The following LRRC37A2 variants were observed in gnomAD, a reference collection of about 807,000 sequenced individuals.
LRRC37A2 encodes leucine-rich repeat-containing protein 37A2.
LRRC37A2 carries 9 observed loss-of-function variants against 68.8 expected under a neutral mutation model. That is an observed-to-expected ratio of 0.13 (90% confidence interval 0.08 to 0.23). The LOEUF (loss-of-function observed/expected upper bound fraction) is 0.23, where lower values mean the gene tolerates loss of function less well. Among genes scored for constraint, LRRC37A2 ranks in the 10% least tolerant of loss-of-function variants. The probability of loss-of-function intolerance (pLI) is 1.00; values close to 1 mark genes in which losing one functional copy is unlikely to be tolerated. For synonymous variants in LRRC37A2, 63 were observed against 367.6 expected, an observed-to-expected ratio of 0.17 and a Z score of 9.48; for missense variants, 168 against 950.4, an observed-to-expected ratio of 0.18 and a Z score of 10.82.
chr17:46,499,578 G>T, the LRRC37A2 span, among the ~76,000 whole-genome samples: 1 of 112,270 alleles, frequency 8.9e-6, no homozygotes, highest in African/African-American at 4.6e-5. Flanking sequence ...AACATGATCT[G>T]TGCTCTAAAG....
the LRRC37A2 span, among the ~76,000 whole-genome samples, chr17:47,037,474 G>A: frequency 1.3e-5 from 2 of 152,126 alleles, no homozygotes; most frequent in Admixed American, 6.5e-5. Flanking sequence ...TTGGAGAATC[G>A]TGCTATTATT....
chr17:46,951,940 C>T, the LRRC37A2 span, among the ~76,000 whole-genome samples: 1 of 152,194 alleles, frequency 6.6e-6, no homozygotes, highest in African/African-American at 2.4e-5. Context: ...TTCACCCCCA[C>T]CAGGAAGTCT....
chr17:46,777,891 A>G, the LRRC37A2 span, among the ~76,000 whole-genome samples: 1 of 151,546 alleles, frequency 6.6e-6, no homozygotes, highest in South Asian at 2.1e-4. Context: ...TTTCCACCAA[A>G]CCCTGTCTCC....
At chr17:46,940,097 C>T in the LRRC37A2 span, 28 of 1,151,066 alleles carry the variant, frequency 2.4e-5, no homozygotes, top group African/African-American at 3.1e-5. Flanking sequence ...TATTTCCCTT[C>T]CTTTCTGTGT....
chr17:46,768,629 T>G, the LRRC37A2 span: 3 of 1,614,010 alleles, frequency 1.9e-6, no homozygotes, highest in Admixed American at 1.7e-5. The surrounding 1 kb of genome is among the most constrained non-coding windows in gnomAD (Gnocchi z 5.0). Flanking sequence ...CCACCCAGCC[T>G]CGGGACTCAC....
At chr17:46,756,766 G>A in the LRRC37A2 span, 4 of 152,638 alleles carry the variant, frequency 2.6e-5, no homozygotes, top group South Asian at 8.3e-4. Context: ...GTACTATCTA[G>A]TGTCTAAAAC....
chr17:46,830,838 C>T, the LRRC37A2 span: 2 of 398,128 alleles, frequency 5.0e-6, no homozygotes, highest in African/African-American at 4.1e-5. Context: ...TCCTTCACTC[C>T]TTCTGAGTAT....
chr17:46,897,429 C>A, the LRRC37A2 span, among the ~76,000 whole-genome samples: 1 of 152,122 alleles, frequency 6.6e-6, no homozygotes, highest in Non-Finnish European at 1.5e-5. Flanking sequence ...CCACTTGGAC[C>A]ACAGGACATA....
At chr17:46,806,190 T>G in the LRRC37A2 span, among the ~76,000 whole-genome samples, 1 of 146,824 alleles carries the variant, frequency 6.8e-6, no homozygotes, top group African/African-American at 2.5e-5. Context: ...CTTTTTTTCT[T>G]TTTTCTTTTT....
the LRRC37A2 span, among the ~76,000 whole-genome samples, chr17:46,491,234 G>T: frequency 1.3e-5 from 2 of 151,038 alleles, no homozygotes; most frequent in Non-Finnish European, 2.9e-5. Context: ...ATTGGATGAA[G>T]TATAATTTAT....
the LRRC37A2 span, chr17:46,721,960 C>A: frequency 6.2e-6 from 10 of 1,603,946 alleles, no homozygotes; most frequent in Non-Finnish European, 8.5e-6. Flanking sequence ...GGAAAGATTT[C>A]AGTTGAGGAA....
chr17:46,872,713 C>T, the LRRC37A2 span: 1 of 1,613,172 alleles, frequency 6.2e-7, no homozygotes, highest in South Asian at 1.1e-5. Context: ...GTGCCAGTTT[C>T]AGTTCCGGCA....
the LRRC37A2 span, among the ~76,000 whole-genome samples, chr17:46,810,004 C>CT: frequency 0.21 from 26,988 of 126,352 alleles, 3,374 homozygotes; most frequent in Non-Finnish European, 0.27. Flanking sequence ...TTCTTTCTTT[C>CT]TTTTTTTTTT....
the LRRC37A2 span, among the ~76,000 whole-genome samples, chr17:46,795,335 C>A: frequency 1.3e-5 from 2 of 152,126 alleles, no homozygotes; most frequent in Non-Finnish European, 2.9e-5. Flanking sequence ...AGAATAAAGC[C>A]CTAGGCAGTG....
chr17:46,726,723 A>C, the LRRC37A2 span: 2 of 964,186 alleles, frequency 2.1e-6, no homozygotes, highest in Non-Finnish European at 3.4e-6. Flanking sequence ...AGCAATAGAA[A>C]TACCTTTCTT....
chr17:46,883,374 T>C, the LRRC37A2 span, among the ~76,000 whole-genome samples: 1 of 150,194 alleles, frequency 6.7e-6, no homozygotes, highest in African/African-American at 2.5e-5. Flanking sequence ...AACCTCCGCC[T>C]CCCGGGTTCA....
the LRRC37A2 span, among the ~76,000 whole-genome samples, chr17:46,891,244 T>A: frequency 6.6e-6 from 1 of 152,198 alleles, no homozygotes; most frequent in African/African-American, 2.4e-5. Context: ...GCATTCCTGT[T>A]TACAAAGTGT....
chr17:46,569,276 T>C, the LRRC37A2 span, among the ~76,000 whole-genome samples: 5 of 150,792 alleles, frequency 3.3e-5, no homozygotes, highest in African/African-American at 4.9e-5. Context: ...CTGGAGAAAT[T>C]AGAATAAGGA....
the LRRC37A2 span, among the ~76,000 whole-genome samples, chr17:46,746,543 A>G: frequency 1.3e-5 from 2 of 152,044 alleles, no homozygotes; most frequent in African/African-American, 2.4e-5. Context: ...ATCTGTGTAT[A>G]GGTTCAATGA....
Sources: allele counts gnomAD v4.1 joint callset (sites outside exome capture counted in the v4.1 genomes callset), GRCh38; gene constraint gnomAD v4.1.1; non-coding constraint Gnocchi (gnomAD v3.1); transcripts MANE v1.5; gene names NCBI Gene and HGNC (gene_info 2026-07-23, HGNC 2026-07-21).